B3GALT1: variants seen among roughly 807,000 people sequenced by gnomAD.
B3GALT1 encodes the protein UDP-Gal:betaGlcNAc beta 1,3-galactosyltransferase, polypeptide 1.
B3GALT1 carries 10 observed loss-of-function variants against 23.2 expected under a neutral mutation model. The observed-to-expected ratio is 0.43, with a 90% confidence interval of 0.27 to 0.73. B3GALT1 has a LOEUF of 0.73. Among genes scored for constraint, B3GALT1 ranks in the 30% least tolerant of loss-of-function variants. B3GALT1 has a pLI of 0.21. For synonymous variants in B3GALT1, 156 were observed against 141.5 expected (o/e 1.10, Z -0.73); for missense variants, 299 against 405.4 (o/e 0.74, Z 2.25).
At chr2:167,420,939 A>T (rs2105301518) in intron 1 of B3GALT1, among the ~76,000 whole-genome samples, 1 of 152,354 alleles carries the variant, frequency 6.6e-6, no homozygotes, top group African/African-American at 2.4e-5. Flanking sequence ...TAGCTAAAAA[A>T]TGTAAGTGAC....
At chr2:167,401,495 T>C (rs1698188463) in intron 1 of B3GALT1, among the ~76,000 whole-genome samples, 1 of 152,004 alleles carries the variant, frequency 6.6e-6, no homozygotes, top group Non-Finnish European at 1.5e-5. Context: ...TACAGTGTAA[T>C]ATACAGGCTC....
intron 2 of B3GALT1, among the ~76,000 whole-genome samples, chr2:167,621,148 G>A (rs1019226712): frequency 6.9e-6 from 1 of 144,290 alleles, no homozygotes; most frequent in Non-Finnish European, 1.5e-5. Context: ...GAGTGCAGTG[G>A]CACAATTATG....
At chr2:167,312,912 A>G (rs528244615) in intron 1 of B3GALT1, among the ~76,000 whole-genome samples, 34 of 152,222 alleles carry the variant, frequency 2.2e-4, no homozygotes, top group African/African-American at 7.9e-4. Context: ...ATAAGATTCA[A>G]TTCACAAAAT....
intron 3 of B3GALT1, among the ~76,000 whole-genome samples, chr2:167,775,150 A>T (rs1263343378): frequency 6.6e-6 from 1 of 152,228 alleles, no homozygotes; most frequent in Non-Finnish European, 1.5e-5. Context: ...TTAATAAGAA[A>T]ATTCTTTATA....
chr2:167,579,011 G>C (rs1684431753), intron 2 of B3GALT1, among the ~76,000 whole-genome samples: 1 of 152,102 alleles, frequency 6.6e-6, no homozygotes, highest in Admixed American at 6.6e-5. Context: ...TGATAAGTTT[G>C]TGGTAATAGG....
chr2:167,365,681 T>G (rs1453750008), intron 1 of B3GALT1, among the ~76,000 whole-genome samples: 2 of 151,886 alleles, frequency 1.3e-5, no homozygotes, highest in African/African-American at 4.8e-5. Context: ...TGTGCCTTGT[T>G]TTTGCTATTT....
chr2:167,683,458 G>A (rs192485758), intron 3 of B3GALT1, among the ~76,000 whole-genome samples: 2 of 152,304 alleles, frequency 1.3e-5, no homozygotes, highest in Admixed American at 1.3e-4. Flanking sequence ...GCCAGGCACA[G>A]TAGCTCATGC....
chr2:167,402,860 A>G (rs542434606), intron 1 of B3GALT1, among the ~76,000 whole-genome samples: 2 of 152,124 alleles, frequency 1.3e-5, no homozygotes, highest in Non-Finnish European at 2.9e-5. Context: ...TTTGAAGAGG[A>G]TAGGAATGTT....
chr2:167,658,582 C>T (rs959030937), intron 3 of B3GALT1, among the ~76,000 whole-genome samples: 4 of 152,134 alleles, frequency 2.6e-5, no homozygotes, highest in African/African-American at 9.6e-5. Context: ...ATTTATACCA[C>T]TGAAATTGGC....
chr2:167,674,068 A>G (rs1686381941), intron 3 of B3GALT1, among the ~76,000 whole-genome samples: 1 of 152,160 alleles, frequency 6.6e-6, no homozygotes, highest in Non-Finnish European at 1.5e-5. Flanking sequence ...GTAAATTGCA[A>G]CAAGTGGTCT....
Position 167,479,643 on chromosome 2 carries a change from C to T in B3GALT1, c.-510-10534C>T, listed in dbSNP as rs143989371. Reference sequence around the variant, plus strand: ...AATTCAGTCTTGCAATTTGAGGTAACTTGGCTACCTCCTATCTCAAAGTGA... The same window carrying T: ...AATTCAGTCTTGCAATTTGAGGTAATTTGGCTACCTCCTATCTCAAAGTGA... On this transcript the variant is annotated intron_variant, in intron 1 of 4. Transcript: ENST00000392690. 5.2e-4 allele frequency among the ~76,000 whole-genome samples: 79 copies of T among 152,158 alleles called. 1 individual carries two copies. In the East Asian group the frequency reaches 0.015, roughly 29 times the overall value.
At chr2:167,687,769 A>G (rs2029079) in intron 3 of B3GALT1, among the ~76,000 whole-genome samples, 33,894 of 152,098 alleles carry the variant, frequency 0.22, 4,511 homozygotes, top group Admixed American at 0.3. Flanking sequence ...TAGAACACAC[A>G]ATTTTTGACT....
chr2:167,482,967 T>TTTGCTATCTCTGTTCTTTTC (rs1312314636), intron 1 of B3GALT1, among the ~76,000 whole-genome samples: 1 of 152,196 alleles, frequency 6.6e-6, no homozygotes, highest in Admixed American at 6.5e-5. Context: ...TTGTTTGCCT[T>TTTGCTATCTCTGTTCTTTTC]TTGCTATCTC....
At chr2:167,552,403 C>T (rs183218470) in intron 2 of B3GALT1, among the ~76,000 whole-genome samples, 19 of 152,056 alleles carry the variant, frequency 1.2e-4, no homozygotes, top group African/African-American at 3.6e-4. Flanking sequence ...TGAAAATAAA[C>T]GCAAGTATTT....
chr2:167,796,932 G>A (rs1210815152), intron 3 of B3GALT1, among the ~76,000 whole-genome samples: 1 of 152,138 alleles, frequency 6.6e-6, no homozygotes, highest in African/African-American at 2.4e-5. Flanking sequence ...GAGGGAGACT[G>A]CAGGAACATT....
At chr2:167,614,693 A>T (rs181249081) in intron 2 of B3GALT1, among the ~76,000 whole-genome samples, 37 of 152,072 alleles carry the variant, frequency 2.4e-4, no homozygotes, top group African/African-American at 8.0e-4. Flanking sequence ...TCAATGGGAC[A>T]TAGTGCAACA....
intron 1 of B3GALT1, among the ~76,000 whole-genome samples, chr2:167,427,699 A>G (rs1443409070): frequency 6.6e-6 from 1 of 152,098 alleles, no homozygotes; most frequent in African/African-American, 2.4e-5. Flanking sequence ...ACACCCAGCT[A>G]GTTTTTTAAA....
intron 1 of B3GALT1, among the ~76,000 whole-genome samples, chr2:167,355,919 G>A (rs957583896): frequency 6.6e-6 from 1 of 152,182 alleles, no homozygotes; most frequent in African/African-American, 2.4e-5. Context: ...AGGGTGGTAA[G>A]GATGGGAGAG....
Position 167,657,412 on chromosome 2 carries a change from G to A in B3GALT1, c.-352+10446G>A, listed in dbSNP as rs761525132. Among the ~76,000 whole-genome samples, 82 of 152,202 alleles carry A rather than the reference G, an allele frequency of 5.4e-4. 2 individuals are homozygous for A. The highest frequency in any genetic ancestry group is 6.8e-3 in the Middle Eastern group (2 of 294). On this transcript the variant is annotated intron_variant, in intron 3 of 4. Transcript: ENST00000392690. ...TGTGCTGGGGAAGGGAAGCCTGCGG[G>A]ACAGCCTGAAAGGAGTATTATCAGT...
Sources: gnomAD v4.1 joint callset for allele counts (sites outside exome capture counted in the v4.1 genomes callset) on GRCh38, gnomAD v4.1.1 for gene constraint, MANE v1.5 for transcripts, NCBI Gene and HGNC (gene_info 2026-07-23, HGNC 2026-07-21) for gene names.